EHD4: variants seen among roughly 807,000 people sequenced by gnomAD.
EHD4 encodes EH domain containing 4, also known as EH domain-containing protein 4.
In EHD4, 37 loss-of-function variants were observed where a neutral mutation model predicts 51.0. The ratio of observed to expected loss-of-function variants is 0.73; its 90% CI spans 0.56 to 0.95. The LOEUF (loss-of-function observed/expected upper bound fraction) is 0.95, where lower values mean the gene tolerates loss of function less well. Ranked by LOEUF, EHD4 falls within the 40% of genes least tolerant of loss-of-function variation. The pLI is 0.00. For missense variants in EHD4, 632 were observed against 733.1 expected (o/e 0.86, Z 1.59); for synonymous variants, 297 against 317.3 (o/e 0.94, Z 0.68).
chr15:41,952,932 G>A (rs1234662270), intron 2 of EHD4, among the ~76,000 whole-genome samples: 1 of 141,590 alleles, frequency 7.1e-6, no homozygotes, highest in Non-Finnish European at 1.5e-5. Flanking sequence ...GGAGGTTGCA[G>A]TGAGCGGAGA....
intron 3 of EHD4, chr15:41,928,266 C>T (rs2067675865): frequency 6.6e-6 from 1 of 152,234 alleles, no homozygotes; most frequent in South Asian, 2.1e-4. Flanking sequence ...TCCTGCACTG[C>T]CCTGTGAGCT....
At chr15:41,947,358 C>T (rs370524369) in intron 2 of EHD4, among the ~76,000 whole-genome samples, 10 of 152,286 alleles carry the variant, frequency 6.6e-5, no homozygotes, top group South Asian at 2.1e-4. Context: ...AGGCTCCAGA[C>T]GTCTCCCTTA....
At chr15:41,953,124 G>T (rs1264754830) in intron 2 of EHD4, among the ~76,000 whole-genome samples, 1 of 151,872 alleles carries the variant, frequency 6.6e-6, no homozygotes, top group African/African-American at 2.4e-5. Context: ...AGAAGCAAAA[G>T]GGACAGCCAG....
intron 2 of EHD4, among the ~76,000 whole-genome samples, chr15:41,945,177 A>T (rs1182598322): frequency 6.6e-6 from 1 of 152,212 alleles, no homozygotes; most frequent in East Asian, 1.9e-4. Context: ...CCTACGTGAA[A>T]CAATTTTCTG....
intron 3 of EHD4, among the ~76,000 whole-genome samples, chr15:41,927,121 T>C (rs968172596): frequency 1.3e-5 from 2 of 152,192 alleles, no homozygotes; most frequent in African/African-American, 4.8e-5. Flanking sequence ...TCTGAAATGG[T>C]ATATACATTT....
At chr15:41,918,290 G>A (rs190991181) in intron 4 of EHD4, among the ~76,000 whole-genome samples, 11 of 152,000 alleles carry the variant, frequency 7.2e-5, no homozygotes, top group Admixed American at 3.9e-4. Flanking sequence ...ATGTGTGCAC[G>A]CACACCCCTA....
chr15:41,963,519 G>C (rs2067940518), intron 1 of EHD4, among the ~76,000 whole-genome samples: 1 of 150,812 alleles, frequency 6.6e-6, no homozygotes, highest in African/African-American at 2.4e-5. Context: ...AGAACCGCTT[G>C]AACTGGAAGG....
At chr15:41,964,177 A>C (rs951024550) in intron 1 of EHD4, among the ~76,000 whole-genome samples, 17 of 151,188 alleles carry the variant, frequency 1.1e-4, no homozygotes, top group African/African-American at 4.1e-4. Flanking sequence ...AAAGGACAAG[A>C]CCAACACTTC....
Position 41,900,716 on chromosome 15 carries a change from C to A in EHD4, c.1555G>T (p.Glu519Ter). Reference protein sequence around the residue: ...HLIKIKLDGYELPSSLPPHLV... With the variant: ...HLIKIKLDGY ...TGGGGGGGCAGGCTGCTGGGCAGCT[C>A]GTAGCCGTCGAGCTTGATCTTGATG... Residue 519 changes from glutamate (E) to a stop codon, truncating the protein, a stop_gained, in exon 6 of 6, where the codon GAG (glutamate) becomes TAG (stop). Transcript: ENST00000220325. LOFTEE classifies it high-confidence loss of function. This position sits in a 1 kb window ranked among gnomAD's most constrained non-coding sequence, Gnocchi z 4.8. The A allele has an allele frequency of 6.2e-7, 1 of 1,610,636 alleles. No homozygotes were observed. The highest frequency in any genetic ancestry group is 8.5e-7 in the Non-Finnish European group (1 of 1,179,890).
At chr15:41,967,891 T>C (rs1187598261) in intron 1 of EHD4, among the ~76,000 whole-genome samples, 1 of 152,244 alleles carries the variant, frequency 6.6e-6, no homozygotes, top group Non-Finnish European at 1.5e-5. Context: ...CTTTCATCCA[T>C]GTGTCCGGCC....
intron 1 of EHD4, among the ~76,000 whole-genome samples, chr15:41,962,175 A>G (rs1455672771): frequency 2.0e-5 from 3 of 152,200 alleles, no homozygotes; most frequent in African/African-American, 7.2e-5. Flanking sequence ...CAAATACAAA[A>G]ATGTAACTTA....
At chr15:41,940,818 C>A (rs1261647449) in intron 3 of EHD4, among the ~76,000 whole-genome samples, 1 of 152,208 alleles carries the variant, frequency 6.6e-6, no homozygotes, top group African/African-American at 2.4e-5. Context: ...GTTTGAAAGA[C>A]ACGATTACTA....
Position 41,926,886 on chromosome 15 carries a change from T to C in EHD4, c.512-7264A>G, listed in dbSNP as rs938299348. ...TTTCCTCTTCTCCAACTACAGCCAC[T>C]CATCCCTCTGGGGAACTTTCCTCCA... On this transcript the variant is annotated intron_variant, in intron 3 of 5. Coordinates refer to ENST00000220325, the MANE Select transcript of EHD4 (RefSeq NM_139265.4). Among the ~76,000 whole-genome samples the C allele has an allele frequency of 3.3e-5, 5 of 152,196 alleles. 1 individual carries two copies. The South Asian group carries it at 1.0e-3, about 32-fold the overall frequency.
chr15:41,903,453 TACACACACACACACACACACACAC>T (rs146543286), intron 5 of EHD4, among the ~76,000 whole-genome samples: 1 of 144,496 alleles, frequency 6.9e-6, no homozygotes, highest in Non-Finnish European at 1.5e-5. Flanking sequence ...TTAACATACA[TACACACACACACACACACACACAC>T]ACACACACAC....
rs1157093938 is a variant in EHD4, at chr15:41,896,718, A to G, written c.*3927T>C. 1 of 152,282 alleles carries G rather than the reference A, an allele frequency of 6.6e-6. No homozygotes were observed. Among genetic ancestry groups the G allele is most frequent in the African/African-American group, 2.4e-5 (1 of 41,448 alleles). The allele number at this position is 152,282 out of a possible 1,614,324, so 9.4% of individuals were successfully genotyped here. On this transcript the variant is annotated 3_prime_UTR_variant, in exon 6 of 6. Transcript: ENST00000220325. Reference sequence around the variant, plus strand: ...GCTCCTCCCTAGCACGACTGGAGAAAGGACTCCTGTGAAGCGGTCACCTCC... The same window carrying G: ...GCTCCTCCCTAGCACGACTGGAGAAGGGACTCCTGTGAAGCGGTCACCTCC...
intron 5 of EHD4, among the ~76,000 whole-genome samples, chr15:41,906,730 G>A (rs187246686): frequency 3.6e-4 from 55 of 152,324 alleles, no homozygotes; most frequent in East Asian, 1.9e-4. Flanking sequence ...TTGGGGTTGC[G>A]GGCATCCCTG....
intron 3 of EHD4, among the ~76,000 whole-genome samples, chr15:41,928,085 A>G (rs2067674717): frequency 6.6e-6 from 1 of 152,228 alleles, no homozygotes. Flanking sequence ...AGTTAATAAT[A>G]ACAGCCACTT....
At chr15:41,961,287 T>TG (rs2067922863) in intron 1 of EHD4, among the ~76,000 whole-genome samples, 1 of 152,226 alleles carries the variant, frequency 6.6e-6, no homozygotes, top group Non-Finnish European at 1.5e-5. Flanking sequence ...CATGCTGTTT[T>TG]GGGAGGAGGG....
intron 1 of EHD4, among the ~76,000 whole-genome samples, chr15:41,957,607 AC>A (rs1175862949): frequency 1.3e-5 from 2 of 152,100 alleles, no homozygotes; most frequent in East Asian, 1.9e-4. Context: ...AGGATCCAGA[AC>A]CTGCAGCCCC....
Sources: gnomAD v4.1 joint callset for allele counts (sites outside exome capture counted in the v4.1 genomes callset) on GRCh38, gnomAD v4.1.1 for gene constraint, Gnocchi (gnomAD v3.1) non-coding constraint, MANE v1.5 for transcripts, NCBI Gene and HGNC (gene_info 2026-07-23, HGNC 2026-07-21) for gene names.